The following KIR3DL1 variants were observed in gnomAD, a reference collection of about 807,000 sequenced individuals.
KIR3DL1 encodes the protein killer cell immunoglobulin-like receptor 3DL1.
A neutral mutation model predicts 40.3 loss-of-function variants in KIR3DL1; 50 were observed. The observed-to-expected ratio is 1.24, with a 90% CI of 0.99 to 1.57. The LOEUF (loss-of-function observed/expected upper bound fraction) is 1.57, where lower values mean the gene tolerates loss of function less well. KIR3DL1 is among the 40% of genes most tolerant of loss of function. The pLI is 0.00. For missense variants in KIR3DL1, 661 were observed against 559.9 expected (o/e 1.18, Z -1.82); for synonymous variants, 257 against 207.2 (o/e 1.24, Z -2.07).
chr19:54,830,447 G>C, exon 9 of KIR3DL1: 1 of 833,960 alleles, frequency 1.2e-6, no homozygotes, highest in Non-Finnish European at 1.9e-6. Context: ...GCTTACAAAT[G>C]TCTAGGTCCC....
rs536856093 is a variant in KIR3DL1 at position 54,825,112 on chromosome 19, G to A, written c.1000+34G>A. ...AGGACCCCTCTTATCTCTGCTTTTG[G>A]AAACCTGGGGAGGTGGAAGCCTTGG... On this transcript the variant is annotated intron_variant, in intron 6 of 8. Coordinates refer to ENST00000391728, the Ensembl canonical transcript of KIR3DL1. 67 of 1,375,352 alleles carry A rather than the reference G, an allele frequency of 4.9e-5. 1 individual carries two copies. In the Middle Eastern group the frequency reaches 7.0e-4, roughly 14 times the overall value. 85.2% of individuals were successfully genotyped at this position (1,375,352 alleles called of 1,614,324 possible).
exon 5 of KIR3DL1, chr19:54,821,773 A>G (rs1228554307): frequency 6.2e-7 from 1 of 1,607,558 alleles, no homozygotes; most frequent in Non-Finnish European, 8.5e-7. Flanking sequence ...CCACCCACGG[A>G]GGGACCTACA....
chr19:54,827,018 G>A (rs79467184), intron 6 of KIR3DL1, among the ~76,000 whole-genome samples: 13,912 of 138,760 alleles, frequency 0.1, no homozygotes, highest in South Asian at 0.21. Flanking sequence ...GCCCAGGTGC[G>A]TAACTGGAAT....
At chr19:54,817,107 C>T (rs2061384502) in intron 1 of KIR3DL1, among the ~76,000 whole-genome samples, 1 of 144,564 alleles carries the variant, frequency 6.9e-6, no homozygotes, top group African/African-American at 2.6e-5. Flanking sequence ...GACATACAAG[C>T]CTGGAAAGGA....
At chr19:54,829,904 T>G in intron 7 of KIR3DL1, 24 bp from the exon 8 acceptor site, 1 of 1,522,444 alleles carries the variant, frequency 6.6e-7, no homozygotes, top group Non-Finnish European at 8.9e-7. Flanking sequence ...TCCGAGCTCT[T>G]TTGTTGACTT....
intron 2 of KIR3DL1, 119 bp downstream of exon 2, chr19:54,817,688 C>A: frequency 2.5e-6 from 2 of 812,002 alleles, no homozygotes. Context: ...CCCTCGGATG[C>A]TCGGCCCACA....
intron 1 of KIR3DL1, among the ~76,000 whole-genome samples, chr19:54,817,306 G>T (rs2061398637): frequency 6.8e-6 from 1 of 147,246 alleles, no homozygotes; most frequent in African/African-American, 2.6e-5. Context: ...ACCTGGAGTG[G>T]AGATCTGGGC....
chr19:54,820,708 A>G (rs1412920024), intron 4 of KIR3DL1, among the ~76,000 whole-genome samples: 1 of 151,326 alleles, frequency 6.6e-6, no homozygotes. Context: ...ATTCACAGAC[A>G]CATAAAAAGA....
intron 2 of KIR3DL1, 79 bp downstream of exon 2, chr19:54,817,648 G>A (rs2061418738): frequency 1.7e-6 from 2 of 1,211,872 alleles, no homozygotes; most frequent in Non-Finnish European, 2.3e-6. Flanking sequence ...AGTCCTGTCG[G>A]GGAGTCTCTC....
At chr19:54,819,821 T>G in exon 4 of KIR3DL1, 1 of 1,612,088 alleles carries the variant, frequency 6.2e-7, no homozygotes, top group Non-Finnish European at 8.5e-7. Flanking sequence ...CACTTCTTTC[T>G]GCACAAAGAG....
At chr19:54,818,530 C>G (rs200379896) in exon 3 of KIR3DL1, 1 of 1,611,462 alleles carries the variant, frequency 6.2e-7, no homozygotes, top group Non-Finnish European at 8.5e-7. Flanking sequence ...CTACACATGT[C>G]GGGGTTCACA....
intron 5 of KIR3DL1, among the ~76,000 whole-genome samples, chr19:54,822,618 ACT>A: frequency 6.7e-6 from 1 of 150,008 alleles, no homozygotes; most frequent in African/African-American, 2.5e-5. Context: ...ACAGAGAGAG[ACT>A]CTGTTTCTAA....
exon 9 of KIR3DL1, chr19:54,830,652 A>G: frequency 3.8e-6 from 1 of 260,776 alleles, no homozygotes; most frequent in Non-Finnish European, 7.2e-6. Flanking sequence ...GTGCTGTTCC[A>G]CCTTCCCTCA....
At position 54,819,966 on chromosome 19, in the gene KIR3DL1, CT is replaced by C. The variant is rs1245946532; in HGVS notation, c.610del (p.Tyr204IlefsTer37). 5 of 1,611,598 alleles carry C rather than the reference CT, an allele frequency of 3.1e-6. No individual in the cohort carries two copies. The highest frequency in any genetic ancestry group is 1.7e-4 in the Middle Eastern group (1 of 6,046). ...GCTACGGTTCTGTTACTCACACCCC[CT>C]ATCAGTTGTCAGCTCCCAGTGATCC... On this transcript the variant is annotated frameshift_variant, in exon 4 of 9. Coordinates refer to ENST00000391728, the Ensembl canonical transcript of KIR3DL1. LOFTEE classifies it high-confidence loss of function.
chr19:54,830,681 C>G, exon 9 of KIR3DL1: 1 of 222,816 alleles, frequency 4.5e-6, no homozygotes, highest in South Asian at 8.9e-5. Flanking sequence ...CACCTTTCTT[C>G]GGACTATTTT....
intron 5 of KIR3DL1, among the ~76,000 whole-genome samples, chr19:54,823,032 T>C: frequency 1.2e-5 from 1 of 85,860 alleles, no homozygotes; most frequent in African/African-American, 3.5e-5. Flanking sequence ...GAAAGTTCTC[T>C]TTTTTTTTTT....
chr19:54,821,613 A>T lies in KIR3DL1; in HGVS notation c.704A>T (p.Gln235Leu), dbSNP rs769746483. The stretch of plus-strand genomic sequence containing the variant: ...TCAGCCCAGCCGGGCCCCAAGGTTC[A>T]GGCAGGAGAGAGCGTGACCTTGTCC... Residue 235 changes from glutamine (Q) to leucine (L), a missense_variant, in exon 5 of 9, where the codon CAG (glutamine) becomes CTG (leucine). By Grantham distance (113) the Gln-to-Leu change is moderately radical (BLOSUM62 -2). Coordinates refer to ENST00000391728, the Ensembl canonical transcript of KIR3DL1. 2.3e-5 allele frequency: 37 copies of T among 1,608,304 alleles called. 1 individual carries two copies. In the East Asian group the frequency reaches 6.0e-4, roughly 26 times the overall value.
chr19:54,827,569 C>T lies in KIR3DL1; in HGVS notation c.1001-1792C>T, dbSNP rs200761400. On this transcript the variant is annotated intron_variant, in intron 6 of 8. Transcript: ENST00000391728. Reference sequence around the variant, plus strand: ...GGTGGAGGTTGCAGTGAGTGGAGATCGCATCACTGCACTCCAGCCTGGGTG... The same window carrying T: ...GGTGGAGGTTGCAGTGAGTGGAGATTGCATCACTGCACTCCAGCCTGGGTG... 7.5e-4 allele frequency among the ~76,000 whole-genome samples: 111 copies of T among 147,910 alleles called. 3 individuals carry two copies. Among genetic ancestry groups the T allele is most frequent in the East Asian group, 7.1e-3 (36 of 5,104 alleles).
intron 1 of KIR3DL1, among the ~76,000 whole-genome samples, chr19:54,816,759 G>C (rs373452477): frequency 7.2e-6 from 1 of 139,206 alleles, no homozygotes; most frequent in Non-Finnish European, 1.5e-5. Context: ...GGAGATATGG[G>C]CCTGGGGTGG....
Sources: allele counts gnomAD v4.1 joint callset (sites outside exome capture counted in the v4.1 genomes callset), GRCh38; gene constraint gnomAD v4.1.1; transcripts MANE v1.5; gene names NCBI Gene and HGNC (gene_info 2026-07-23, HGNC 2026-07-21).